The following CD274 variants were observed in gnomAD, a reference collection of about 807,000 sequenced individuals.
CD274 encodes the protein CD274 molecule.
CD274 carries 8 observed loss-of-function variants against 30.1 expected under a neutral mutation model. That is an observed-to-expected ratio of 0.27 (90% CI 0.16 to 0.48). The LOEUF is 0.48. Ranked by LOEUF, CD274 falls within the 20% of genes least tolerant of loss-of-function variation. The pLI is 0.99. For missense variants in CD274, 353 were observed against 346.6 expected, an observed-to-expected ratio of 1.02 and a Z score of -0.15; for synonymous variants, 152 against 124.6, an observed-to-expected ratio of 1.22 and a Z score of -1.46.
intron 1 of CD274, among the ~76,000 whole-genome samples, chr9:5,454,001 A>G (rs779920818): frequency 1.4e-4 from 22 of 152,264 alleles, no homozygotes; most frequent in Non-Finnish European, 2.9e-4. Flanking sequence ...TTCTTTTCTT[A>G]TTTTCTGTAA....
intron 6 of CD274, 77 bp downstream of exon 6, chr9:5,466,906 T>C: frequency 9.8e-7 from 1 of 1,023,750 alleles, no homozygotes. Context: ...GAGAAATCCA[T>C]CAGTCATAAT....
At chr9:5,450,717 G>A (rs1249416166) in intron 1 of CD274, 121 bp downstream of exon 1, 3 of 152,334 alleles carry the variant, frequency 2.0e-5, no homozygotes, top group Non-Finnish European at 4.4e-5. Context: ...AGAAGGGAAA[G>A]GGAACGCGAT....
intron 6 of CD274, 135 bp from the exon 7 acceptor site, chr9:5,467,705 A>G: frequency 1.2e-6 from 1 of 803,802 alleles, no homozygotes; most frequent in Non-Finnish European, 2.2e-6. Flanking sequence ...TACAAATATA[A>G]CCTGCTGCTT....
chr9:5,465,647 G>C (rs1257405879), intron 5 of CD274, 41 bp downstream of exon 5: 1 of 1,212,846 alleles, frequency 8.2e-7, no homozygotes, highest in African/African-American at 1.5e-5. Flanking sequence ...CTGGGGGTGA[G>C]GAAGGGGTGA....
chr9:5,465,188 T>C (rs1351217646), intron 4 of CD274, among the ~76,000 whole-genome samples: 2 of 152,178 alleles, frequency 1.3e-5, no homozygotes, highest in African/African-American at 4.8e-5. Context: ...TTATAAATAT[T>C]AGCCTCACAA....
At position 5,467,999 on chromosome 9, in the gene CD274, T is replaced by G; in HGVS notation, c.*137T>G. Reference sequence around the variant, plus strand: ...TGTGGGACTTAAAAGGCCCAAGCACTGAAAATGGAACCTGGCGAAAGCAGA... The same window carrying G: ...TGTGGGACTTAAAAGGCCCAAGCACGGAAAATGGAACCTGGCGAAAGCAGA... On this transcript the variant is annotated 3_prime_UTR_variant, in exon 7 of 7. Transcript: ENST00000381577. 1 of 739,312 alleles carries G rather than the reference T, an allele frequency of 1.4e-6. No individual in the cohort carries two copies. Among genetic ancestry groups the G allele is most frequent in the South Asian group, 1.5e-5 (1 of 65,048 alleles). 45.8% of individuals were successfully genotyped at this position (739,312 alleles called of 1,614,324 possible). A position where few individuals can be genotyped will look rare whatever the true frequency, so the allele number is the denominator to read the frequency against.
rs34424878 is a variant in CD274 at position 5,457,296 on chromosome 9, C to T, written c.270C>T (p.Asp90=). Residue 90 remains aspartate (D), a synonymous_variant, in exon 3 of 7, where the codon GAC becomes GAT. Transcript: ENST00000381577. ...GACAGAGGGCCCGGCTGTTGAAGGACCAGCTCTCCCTGGGAAATGCTGCAC... is the reference window on the plus strand; with the variant it reads ...GACAGAGGGCCCGGCTGTTGAAGGATCAGCTCTCCCTGGGAAATGCTGCAC... ...SYRQRARLLK[D]QLSLGNAALQ... is the part of the protein sequence containing the mutation. 7.9e-4 allele frequency: 1,277 copies of T among 1,614,012 alleles called. 6 individuals are homozygous for T. The African/African-American group carries it at 0.015, about 19-fold the overall frequency.
At chr9:5,466,604 C>G (rs941422098) in intron 5 of CD274, among the ~76,000 whole-genome samples, 166 bp from the exon 6 acceptor site, 2 of 151,898 alleles carry the variant, frequency 1.3e-5, no homozygotes, top group Non-Finnish European at 2.9e-5. Flanking sequence ...GTGCCCTACA[C>G]TATTGAATTA....
chr9:5,464,822 C>T (rs748194190), intron 4 of CD274, among the ~76,000 whole-genome samples: 3 of 152,178 alleles, frequency 2.0e-5, no homozygotes, highest in African/African-American at 4.8e-5. Context: ...AGCGGAGGCT[C>T]ATGCCTGTAA....
At position 5,470,434 on chromosome 9, in the gene CD274, T is replaced by C; in HGVS notation, c.*2572T>C. 1 of 229,350 alleles carries C rather than the reference T, an allele frequency of 4.4e-6. No homozygotes were observed. Among genetic ancestry groups the C allele is most frequent in the Non-Finnish European group, 8.6e-6 (1 of 115,630 alleles). The allele number at this position is 229,350 out of a possible 1,614,324, so 14.2% of individuals were successfully genotyped here. On this transcript the variant is annotated 3_prime_UTR_variant, in exon 7 of 7. Transcript: ENST00000381577. ...TGATACCTAATTCTGCATTTGATTG[T>C]CACTTTTTGTACCTGCATTAATTTA...
Position 5,466,801 on chromosome 9 carries a change from C to T in CD274, c.822C>T (p.Ile274=), listed in dbSNP as rs1323661579. The change falls in exon 6 of 7, where the codon ATC becomes ATT. Residue 274 remains isoleucine (I), a synonymous_variant. Coordinates refer to ENST00000381577, the MANE Select transcript of CD274 (RefSeq NM_014143.4). ...TGATGGATGTGAAAAAATGTGGCAT[C>T]CAAGATACAAACTCAAAGAAGCAAA... The part of the protein sequence containing the change: ...GRMMDVKKCG[I]QDTNSKKQSD... 1.2e-6 allele frequency: 2 copies of T among 1,609,402 alleles called. No homozygotes were observed. Among genetic ancestry groups the T allele is most frequent in the Non-Finnish European group, 1.7e-6 (2 of 1,178,122 alleles).
rs555215327 is a variant in CD274, at chr9:5,469,488, T to A, written c.*1626T>A. The A allele has an allele frequency of 4.3e-6, 1 of 230,946 alleles. No homozygotes were observed. Among genetic ancestry groups the A allele is most frequent in the African/African-American group, 2.2e-5 (1 of 45,344 alleles). 14.3% of individuals were successfully genotyped at this position (230,946 alleles called of 1,614,324 possible). A position where few individuals can be genotyped will look rare whatever the true frequency, so the allele number is the denominator to read the frequency against. On this transcript the variant is annotated 3_prime_UTR_variant, in exon 7 of 7. Coordinates refer to ENST00000381577, the MANE Select transcript of CD274 (RefSeq NM_014143.4). ...GGAAATGTATGTTAAAAGCACGTATTTTTAAAATTTTTTTCCTAAATAGTA... is the reference window on the plus strand; with the variant it reads ...GGAAATGTATGTTAAAAGCACGTATATTTAAAATTTTTTTCCTAAATAGTA...
rs1819433782 is a variant in CD274, at chr9:5,463,018, G to C, written c.579G>C (p.Val193=). 6.2e-7 allele frequency: 1 copy of C among 1,613,930 alleles called. No individual in the cohort carries two copies. Among genetic ancestry groups the C allele is most frequent in the Non-Finnish European group, 8.5e-7 (1 of 1,179,914 alleles). Reference sequence around the variant, plus strand: ...AGAGAGAGGAGAAGCTTTTCAATGTGACCAGCACACTGAGAATCAACACAA... The same window carrying C: ...AGAGAGAGGAGAAGCTTTTCAATGTCACCAGCACACTGAGAATCAACACAA... ...NSKREEKLFN[V]TSTLRINTTT... Residue 193 remains valine (V), a synonymous_variant, in exon 4 of 7, where the codon GTG becomes GTC. Coordinates refer to ENST00000381577, the MANE Select transcript of CD274 (RefSeq NM_014143.4).
At chr9:5,464,042 C>T (rs770710983) in intron 4 of CD274, among the ~76,000 whole-genome samples, 3 of 151,964 alleles carry the variant, frequency 2.0e-5, no homozygotes, top group Non-Finnish European at 4.4e-5. Flanking sequence ...CGTACTTCAG[C>T]AAAAACAACT....
At chr9:5,463,174 C>T (rs2131225045) in intron 4 of CD274, 53 bp downstream of exon 4, 5 of 1,353,560 alleles carry the variant, frequency 3.7e-6, no homozygotes, top group Non-Finnish European at 5.3e-6. Context: ...CCCCTAGCAC[C>T]TAGCATGATG....
intron 1 of CD274, among the ~76,000 whole-genome samples, chr9:5,451,879 T>C (rs942253144): frequency 6.6e-6 from 1 of 152,164 alleles, no homozygotes; most frequent in East Asian, 1.9e-4. Context: ...GGGGCTCTTG[T>C]TATGTTGCCC....
At position 5,469,751 on chromosome 9, in the gene CD274, G is replaced by C. The variant is rs1409691152; in HGVS notation, c.*1889G>C. On this transcript the variant is annotated 3_prime_UTR_variant, in exon 7 of 7. Transcript: ENST00000381577. ...AGTATTTGCTCTAGGACAGAGTTTG[G>C]ATTTGTTTATGTTTGCTCAAAAGGA... 4.3e-6 allele frequency: 1 copy of C among 232,564 alleles called. No individual in the cohort carries two copies. Among genetic ancestry groups the C allele is most frequent in the Non-Finnish European group, 8.5e-6 (1 of 117,738 alleles). The allele number at this position is 232,564 out of a possible 1,614,324, so 14.4% of individuals were successfully genotyped here.
At chr9:5,452,062 G>T (rs1381448901) in intron 1 of CD274, among the ~76,000 whole-genome samples, 1 of 130,108 alleles carries the variant, frequency 7.7e-6, no homozygotes, top group African/African-American at 2.9e-5. Context: ...GTCTCACTCT[G>T]TTGCCCATGC....
rs1819557051 is a variant in CD274, at chr9:5,469,637, T to A, written c.*1775T>A. ...CCATGCCTTCTTTGTTTCTAAGTTA[T>A]CTTTCCCATAGCTTTTCATTATCTT... On this transcript the variant is annotated 3_prime_UTR_variant, in exon 7 of 7. Transcript: ENST00000381577. The A allele has an allele frequency of 1.3e-5, 3 of 232,268 alleles. No homozygotes were observed. The East Asian group carries it at 1.8e-4, about 14-fold the overall frequency. 14.4% of individuals were successfully genotyped at this position (232,268 alleles called of 1,614,324 possible).
Sources: gnomAD v4.1 joint callset for allele counts (sites outside exome capture counted in the v4.1 genomes callset) on GRCh38, gnomAD v4.1.1 for gene constraint, MANE v1.5 for transcripts, NCBI Gene and HGNC (gene_info 2026-07-23, HGNC 2026-07-21) for gene names.